Variants in U2AF2 observed in about 807,000 individuals in gnomAD.
U2AF2 encodes the protein U2 small nuclear RNA auxiliary factor 2.
In U2AF2, 6 loss-of-function variants were observed where a neutral mutation model predicts 52.6. That is an observed-to-expected ratio of 0.11 (90% CI 0.06 to 0.23). The LOEUF (loss-of-function observed/expected upper bound fraction) is 0.23. Ranked by LOEUF, U2AF2 falls within the 10% of genes least tolerant of loss-of-function variation. The pLI, the probability that U2AF2 is intolerant of heterozygous loss-of-function variation, is 1.00. For synonymous variants in U2AF2, 284 were observed against 258.2 expected, an observed-to-expected ratio of 1.10 and a Z score of -0.96; for missense variants, 222 against 677.1, an observed-to-expected ratio of 0.33 and a Z score of 7.46.
chr19:55,661,352 G>GCCCGGCCCCT, intron 5 of U2AF2, 163 bp downstream of exon 5: 2 of 743,640 alleles, frequency 2.7e-6, no homozygotes, highest in Non-Finnish European at 3.9e-6. Flanking sequence ...GCCAGGGGCC[G>GCCCGGCCCCT]GGCTGGGGGT....
Position 55,663,532 on chromosome 19 carries a change from C to A in U2AF2, c.604-74C>A. 2.6e-6 allele frequency: 4 copies of A among 1,544,054 alleles called. No homozygotes were observed. In the Admixed American group the frequency reaches 7.7e-5, roughly 30 times the overall value. On this transcript the variant is annotated intron_variant, in intron 6 of 11. Coordinates refer to ENST00000308924, the MANE Select transcript of U2AF2 (RefSeq NM_007279.3). The stretch of plus-strand genomic sequence containing the variant: ...ACATGAGTGAAAGGAAAGAGGAAAT[C>A]CCAATCCTGGAACACTAGGGGCTGT...
Position 55,660,500 on chromosome 19 carries a change from C to CT in U2AF2, c.231-15dup. 1 of 1,004,308 alleles carries CT rather than the reference C, an allele frequency of 1.0e-6. No individual in the cohort carries two copies. 62.2% of individuals were successfully genotyped at this position (1,004,308 alleles called of 1,614,324 possible). On this transcript the variant is annotated splice_polypyrimidine_tract_variant and intron_variant, in intron 3 of 11. Transcript: ENST00000308924. The stretch of plus-strand genomic sequence containing the variant: ...TGAGGTTGCCCTGCCCCGCTCTCCC[C>CT]TCCCACCTCCCCCAGTCGTTCCCCC...
chr19:55,655,438 G>A (rs941307409), intron 1 of U2AF2, among the ~76,000 whole-genome samples: 1 of 152,238 alleles, frequency 6.6e-6, no homozygotes, highest in African/African-American at 2.4e-5. Flanking sequence ...CGCGGCACGA[G>A]CGCGCCAGAT....
chr19:55,658,961 G>GCTC, intron 1 of U2AF2: 1 of 450,754 alleles, frequency 2.2e-6, no homozygotes, highest in Non-Finnish European at 3.6e-6. Flanking sequence ...TGGCTCCCCA[G>GCTC]CTCCTCCTGA....
At chr19:55,660,324 T>C (rs1984094321) in intron 3 of U2AF2, 103 bp downstream of exon 3, 4 of 1,374,062 alleles carry the variant, frequency 2.9e-6, no homozygotes, top group Admixed American at 2.0e-5. Context: ...GCCCAAGCAC[T>C]GGGAAGAGTC....
At chr19:55,667,071 A>G (rs1348117895) in intron 7 of U2AF2, among the ~76,000 whole-genome samples, 1 of 152,144 alleles carries the variant, frequency 6.6e-6, no homozygotes, top group Non-Finnish European at 1.5e-5. Context: ...TCCCTGTAGC[A>G]TAGGAGCTGG....
chr19:55,673,394 C>T (rs898070635), intron 11 of U2AF2, among the ~76,000 whole-genome samples: 13 of 150,174 alleles, frequency 8.7e-5, no homozygotes, highest in Non-Finnish European at 1.3e-4. Context: ...TTTCAGTGTT[C>T]GTGTAGGCTC....
chr19:55,669,397 C>T (rs2123693678), intron 10 of U2AF2, 47 bp from the exon 11 acceptor site: 1 of 1,559,366 alleles, frequency 6.4e-7, no homozygotes. Flanking sequence ...CAGAGGGAGA[C>T]TGGGTCTGGG....
At chr19:55,657,673 AT>A (rs1983882675) in intron 1 of U2AF2, among the ~76,000 whole-genome samples, 1 of 151,986 alleles carries the variant, frequency 6.6e-6, no homozygotes, top group South Asian at 2.1e-4. Context: ...TCAGTTTTTG[AT>A]TTTGGGGTTT....
intron 7 of U2AF2, among the ~76,000 whole-genome samples, chr19:55,664,223 A>G (rs1317830680): frequency 1.3e-5 from 2 of 152,190 alleles, no homozygotes; most frequent in East Asian, 3.9e-4. Flanking sequence ...GCTGTGTTGA[A>G]CATCATCTGT....
chr19:55,659,885 G>A (rs1984054914), intron 2 of U2AF2, among the ~76,000 whole-genome samples: 1 of 152,058 alleles, frequency 6.6e-6, no homozygotes, highest in African/African-American at 2.4e-5. Flanking sequence ...GCCTCCTTAG[G>A]TGAGGAAGGG....
rs1320622435 is a variant in U2AF2 at position 55,668,979 on chromosome 19, C to T, written c.946-104C>T. 3 of 1,488,880 alleles carry T rather than the reference C, an allele frequency of 2.0e-6. No individual in the cohort carries two copies. Among genetic ancestry groups the T allele is most frequent in the Non-Finnish European group, 1.8e-6 (2 of 1,100,012 alleles). The allele number at this position is 1,488,880 out of a possible 1,614,324, so 92.2% of individuals were successfully genotyped here. The stretch of plus-strand genomic sequence containing the variant: ...CAGGCTCTTAATCCCCTTTGCCTTC[C>T]CCTCTTCCCCCACCAATGCCCCGGC... On this transcript the variant is annotated intron_variant, in intron 9 of 11. Transcript: ENST00000308924. This position sits in a 1 kb window ranked among gnomAD's most constrained non-coding sequence, Gnocchi z 5.5.
chr19:55,661,583 G>A (rs887112829), intron 5 of U2AF2, among the ~76,000 whole-genome samples: 29 of 148,370 alleles, frequency 2.0e-4, no homozygotes, highest in Admixed American at 5.4e-4. Flanking sequence ...CACGCCTCTC[G>A]TTCTCTGCCG....
intron 1 of U2AF2, 29 bp downstream of exon 1, chr19:55,655,182 G>A: frequency 6.3e-7 from 1 of 1,595,164 alleles, no homozygotes; most frequent in Non-Finnish European, 8.5e-7. Context: ...CGGGGCGGAG[G>A]TGTGGGCGGC....
At chr19:55,663,509 A>C in intron 6 of U2AF2, 97 bp from the exon 7 acceptor site, 1 of 1,519,466 alleles carries the variant, frequency 6.6e-7, no homozygotes, top group Non-Finnish European at 8.9e-7. Flanking sequence ...ATTTGTTCAC[A>C]TGAGTGAAAG....
rs1052377693 is a variant in U2AF2 at position 55,668,891 on chromosome 19, C to T, written c.945+99C>T. On this transcript the variant is annotated intron_variant, in intron 9 of 11. Transcript: ENST00000308924. The surrounding 1 kb of genome is among the most constrained non-coding windows in gnomAD (Gnocchi z 5.5). ...CCTCCTCAGGGGACGGGGCGGGAGG[C>T]GGCCAACCTGAGGCAGTGCCCTGTG... 30 of 1,539,976 alleles carry T rather than the reference C, an allele frequency of 1.9e-5. No individual in the cohort carries two copies. The highest frequency in any genetic ancestry group is 2.5e-5 in the South Asian group (2 of 81,554).
At chr19:55,663,817 C>T (rs549730011) in intron 7 of U2AF2, 73 bp downstream of exon 7, 4 of 1,588,364 alleles carry the variant, frequency 2.5e-6, no homozygotes, top group East Asian at 4.5e-5. Context: ...CCCTTCAGCC[C>T]AGCTGGAGTG....
At chr19:55,661,269 A>G (rs1984171585) in intron 5 of U2AF2, 80 bp downstream of exon 5, 2 of 1,339,692 alleles carry the variant, frequency 1.5e-6, no homozygotes, top group Non-Finnish European at 2.0e-6. Flanking sequence ...CCTTTCCCCA[A>G]CCTGCACGGG....
chr19:55,665,773 C>T (rs949313316), intron 7 of U2AF2, among the ~76,000 whole-genome samples: 8 of 152,126 alleles, frequency 5.3e-5, no homozygotes, highest in South Asian at 2.1e-4. Flanking sequence ...CTCAGCCTCC[C>T]GAGTAGCTGG....
Sources: allele counts gnomAD v4.1 joint callset (sites outside exome capture counted in the v4.1 genomes callset), GRCh38; gene constraint gnomAD v4.1.1; non-coding constraint Gnocchi (gnomAD v3.1); transcripts MANE v1.5; gene names NCBI Gene and HGNC (gene_info 2026-07-23, HGNC 2026-07-21).